Variants in LYPLAL1 observed in about 807,000 individuals in gnomAD.
LYPLAL1 encodes lysophospholipase like 1.
Under a neutral mutation model 19.7 loss-of-function variants are expected in LYPLAL1, and 23 were observed. The ratio of observed to expected loss-of-function variants is 1.17; its 90% CI spans 0.84 to 1.65. The LOEUF is 1.65. Ranked by LOEUF, LYPLAL1 falls within the 40% of genes most tolerant of loss-of-function variation. LYPLAL1 has a pLI of 0.00. For synonymous variants in LYPLAL1, 119 were observed against 96.3 expected (o/e 1.24, Z -1.38); for missense variants, 355 against 279.4 (o/e 1.27, Z -1.93).
At chr1:219,197,090 A>G (rs577061735) in intron 3 of LYPLAL1, among the ~76,000 whole-genome samples, 9 of 152,350 alleles carry the variant, frequency 5.9e-5, no homozygotes, top group African/African-American at 1.9e-4. Context: ...TGCTATGCCC[A>G]TTAAACTACC....
chr1:219,386,710 A>G, the LYPLAL1 span, among the ~76,000 whole-genome samples: 9 of 152,354 alleles, frequency 5.9e-5, no homozygotes, highest in Non-Finnish European at 1.0e-4. Flanking sequence ...TTCAAGCTCA[A>G]TAGAAACAGA....
At chr1:219,420,543 C>G in the LYPLAL1 span, among the ~76,000 whole-genome samples, 1 of 152,132 alleles carries the variant, frequency 6.6e-6, no homozygotes, top group Non-Finnish European at 1.5e-5. Flanking sequence ...ACGTTTAGTT[C>G]AGAGCAGCTC....
the LYPLAL1 span, among the ~76,000 whole-genome samples, chr1:219,431,681 G>A: frequency 1.3e-5 from 2 of 152,186 alleles, no homozygotes; most frequent in African/African-American, 4.8e-5. Flanking sequence ...GATTATTGAA[G>A]CATTTCTCCT....
chr1:219,427,129 C>T, the LYPLAL1 span, among the ~76,000 whole-genome samples: 2 of 152,318 alleles, frequency 1.3e-5, no homozygotes, highest in South Asian at 4.1e-4. Flanking sequence ...GTCCTATGGA[C>T]TTTCTAGACA....
chr1:219,296,108 T>A, the LYPLAL1 span, among the ~76,000 whole-genome samples: 9,048 of 151,212 alleles, frequency 0.06, 545 homozygotes, highest in East Asian at 0.22. Context: ...ATTTTAAAGT[T>A]CTCTGCCCAT....
the LYPLAL1 span, among the ~76,000 whole-genome samples, chr1:219,251,131 T>G: frequency 6.6e-6 from 1 of 152,076 alleles, no homozygotes; most frequent in East Asian, 1.9e-4. Context: ...TTAATGGGGT[T>G]GTTTTTCTCA....
the LYPLAL1 span, among the ~76,000 whole-genome samples, chr1:219,373,254 C>T: frequency 6.6e-6 from 1 of 152,224 alleles, no homozygotes; most frequent in South Asian, 2.1e-4. Context: ...AGCTCACCTG[C>T]ACTACATGCA....
At chr1:219,275,156 T>A in the LYPLAL1 span, among the ~76,000 whole-genome samples, 16 of 152,326 alleles carry the variant, frequency 1.1e-4, no homozygotes, top group African/African-American at 3.8e-4. Context: ...CTTCTGTATT[T>A]AGGAAAATTT....
At chr1:219,280,851 C>A in the LYPLAL1 span, among the ~76,000 whole-genome samples, 2 of 152,090 alleles carry the variant, frequency 1.3e-5, no homozygotes, top group African/African-American at 4.8e-5. Flanking sequence ...GGTTCAAGAC[C>A]AGCCATGGCC....
At chr1:219,226,202 C>T in the LYPLAL1 span, among the ~76,000 whole-genome samples, 3 of 152,134 alleles carry the variant, frequency 2.0e-5, no homozygotes, top group Admixed American at 1.3e-4. Flanking sequence ...CAGTGATTGC[C>T]ACACAATTGA....
At chr1:219,408,953 C>T in the LYPLAL1 span, among the ~76,000 whole-genome samples, 1 of 152,030 alleles carries the variant, frequency 6.6e-6, no homozygotes, top group Non-Finnish European at 1.5e-5. Flanking sequence ...TGGAGAGTTT[C>T]GATTTCAATT....
the LYPLAL1 span, among the ~76,000 whole-genome samples, chr1:219,414,198 G>T: frequency 6.6e-6 from 1 of 152,100 alleles, no homozygotes; most frequent in African/African-American, 2.4e-5. Flanking sequence ...TTTGATTGTT[G>T]CTCCTACATT....
chr1:219,407,188 A>G, the LYPLAL1 span, among the ~76,000 whole-genome samples: 1 of 152,210 alleles, frequency 6.6e-6, no homozygotes, highest in Non-Finnish European at 1.5e-5. Flanking sequence ...GTTACCCAGT[A>G]TCTCTGGCTA....
At chr1:219,241,134 C>CTCTCTCTCTCTCTATATA in the LYPLAL1 span, among the ~76,000 whole-genome samples, 48 of 44,352 alleles carry the variant, frequency 1.1e-3, no homozygotes, top group East Asian at 1.6e-3. Flanking sequence ...CTCTCTCTCT[C>CTCTCTCTCTCTCTATATA]TATATATATA....
the LYPLAL1 span, chr1:219,437,160 C>G: frequency 6.6e-6 from 1 of 152,280 alleles, no homozygotes; most frequent in African/African-American, 2.4e-5. Flanking sequence ...CTCAGTACTT[C>G]TCTCTGGAAA....
chr1:219,360,535 G>T, the LYPLAL1 span, among the ~76,000 whole-genome samples: 2 of 152,162 alleles, frequency 1.3e-5, no homozygotes, highest in Admixed American at 6.5e-5. Flanking sequence ...ATTCCAACTT[G>T]CAGAAAAGTC....
chr1:219,280,841 G>C, the LYPLAL1 span, among the ~76,000 whole-genome samples: 2 of 152,056 alleles, frequency 1.3e-5, no homozygotes, highest in Non-Finnish European at 2.9e-5. Flanking sequence ...CGAGGTCAGG[G>C]GTTCAAGACC....
the LYPLAL1 span, among the ~76,000 whole-genome samples, chr1:219,314,069 A>G: frequency 6.6e-6 from 1 of 152,212 alleles, no homozygotes; most frequent in South Asian, 2.1e-4. Flanking sequence ...ATAAGTGAGA[A>G]CATGCAGTAT....
the LYPLAL1 span, among the ~76,000 whole-genome samples, chr1:219,410,775 A>G: frequency 2.6e-5 from 4 of 152,230 alleles, no homozygotes; most frequent in East Asian, 1.9e-4. Flanking sequence ...GCCCCGGGCA[A>G]TGGGGGACTT....
Sources: allele counts gnomAD v4.1 joint callset (sites outside exome capture counted in the v4.1 genomes callset), GRCh38; gene constraint gnomAD v4.1.1; transcripts MANE v1.5; gene names NCBI Gene and HGNC (gene_info 2026-07-23, HGNC 2026-07-21).